Variants in NNT observed in about 807,000 individuals in gnomAD.
The protein encoded by NNT is nicotinamide nucleotide transhydrogenase, also known as NAD(P) transhydrogenase, mitochondrial.
A neutral mutation model predicts 104.8 loss-of-function variants in NNT; 50 were observed. That is an observed-to-expected ratio of 0.48 (90% CI 0.38 to 0.60). The LOEUF (loss-of-function observed/expected upper bound fraction) is 0.60, where lower values mean the gene tolerates loss of function less well. Among genes scored for constraint, NNT ranks in the 20% least tolerant of loss-of-function variants. The probability of loss-of-function intolerance (pLI) is 0.00; values close to 1 mark genes in which losing one functional copy is unlikely to be tolerated. For synonymous variants in NNT, 461 were observed against 490.4 expected (o/e 0.94, Z 0.79); for missense variants, 1,131 against 1,330.7 (o/e 0.85, Z 2.33).
chr5:43,675,895 T>C (rs1187444248), intron 18 of NNT, among the ~76,000 whole-genome samples: 1 of 152,226 alleles, frequency 6.6e-6, no homozygotes, highest in Non-Finnish European at 1.5e-5. Flanking sequence ...CAGTGGGTTC[T>C]AGCCATGTCT....
chr5:43,661,866 A>G (rs990074907), intron 17 of NNT, among the ~76,000 whole-genome samples: 1 of 152,116 alleles, frequency 6.6e-6, no homozygotes, highest in East Asian at 1.9e-4. Flanking sequence ...TGCCGCAATA[A>G]ACATATGTGT....
At chr5:43,665,873 C>T (rs561776903) in intron 17 of NNT, among the ~76,000 whole-genome samples, 188 of 150,814 alleles carry the variant, frequency 1.2e-3, no homozygotes, top group African/African-American at 2.1e-3. Flanking sequence ...ATCTCCTGGA[C>T]GGGGCGGCTG....
chr5:43,622,521 G>T (rs1750151313), intron 5 of NNT, among the ~76,000 whole-genome samples: 1 of 152,218 alleles, frequency 6.6e-6, no homozygotes, highest in South Asian at 2.1e-4. Flanking sequence ...TCCTGTCTTG[G>T]CCTCCCAAAG....
At chr5:43,645,819 A>G (rs567402376) in intron 10 of NNT, among the ~76,000 whole-genome samples, 11 of 142,868 alleles carry the variant, frequency 7.7e-5, no homozygotes, top group Non-Finnish European at 1.2e-4. Context: ...GGTTGATGCC[A>G]TTCTCCTGCC....
chr5:43,675,474 G>T (rs372534107), intron 17 of NNT, 37 bp from the exon 18 acceptor site: 13 of 1,582,714 alleles, frequency 8.2e-6, no homozygotes, highest in Non-Finnish European at 1.1e-5. Context: ...AAAGTTATGT[G>T]TGTTAAACTC....
In NNT at chr5:43,645,481, C is replaced by A; in HGVS notation, c.1415C>A (p.Thr472Lys). 1 of 1,565,320 alleles carries A rather than the reference C, an allele frequency of 6.4e-7. No individual in the cohort carries two copies. The highest frequency in any genetic ancestry group is 1.2e-5 in the South Asian group (1 of 83,302). Residue 472 changes from threonine to lysine, a missense_variant, in exon 10 of 22, where the codon ACA becomes AAA. Transcript: ENST00000344920. Reference sequence around the variant, plus strand: ...GCTACCATTACACCCTTCAGGAAGACAATGTCAACGGCTTCTGCATATACA... The same window carrying A: ...GCTACCATTACACCCTTCAGGAAGAAAATGTCAACGGCTTCTGCATATACA... Reference protein sequence around the residue: ...KAATITPFRKTMSTASAYTAG... With the variant: ...KAATITPFRKKMSTASAYTAG...
rs769638883 is a variant in NNT at position 43,655,881 on chromosome 5, C to T, written c.2101C>T (p.Gln701Ter). Reference sequence around the variant, plus strand: ...ACGCATCCAGATTTCTGATTTACCTCAATTAGTTGCTGCTTTTCACAGTTT... The same window carrying T: ...ACGCATCCAGATTTCTGATTTACCTTAATTAGTTGCTGCTTTTCACAGTTT... ...AKRIQISDLP[Q>*]LVAAFHSLVG... Residue 701 changes from glutamine to a stop codon, truncating the protein, a stop_gained, in exon 15 of 22, where the codon CAA (glutamine) becomes TAA (stop). Transcript: ENST00000344920. LOFTEE classifies it high-confidence loss of function. The T allele has an allele frequency of 1.2e-6, 2 of 1,614,096 alleles. No homozygotes were observed. Among genetic ancestry groups the T allele is most frequent in the Non-Finnish European group, 8.5e-7 (1 of 1,180,046 alleles).
At chr5:43,670,479 G>A (rs1349600436) in intron 17 of NNT, among the ~76,000 whole-genome samples, 1 of 152,174 alleles carries the variant, frequency 6.6e-6, no homozygotes, top group Non-Finnish European at 1.5e-5. Flanking sequence ...CTGGTATGTT[G>A]TGTCTTTGTT....
chr5:43,637,283 C>T (rs1356710776), intron 7 of NNT, among the ~76,000 whole-genome samples: 1 of 152,152 alleles, frequency 6.6e-6, no homozygotes, highest in Non-Finnish European at 1.5e-5. Flanking sequence ...TCAGCACTTT[C>T]TTGCCATATT....
At chr5:43,655,599 T>C (rs1311368584) in intron 14 of NNT, among the ~76,000 whole-genome samples, 3 of 152,116 alleles carry the variant, frequency 2.0e-5, no homozygotes, top group African/African-American at 4.8e-5. Context: ...TATTCCAAAA[T>C]TAAAAAAAAT....
chr5:43,648,939 G>A (rs35023717), intron 10 of NNT, among the ~76,000 whole-genome samples: 1 of 152,040 alleles, frequency 6.6e-6, no homozygotes, highest in African/African-American at 2.4e-5. Flanking sequence ...GCTTATTTTG[G>A]GGGGGTGGTC....
intron 19 of NNT, among the ~76,000 whole-genome samples, chr5:43,681,590 G>C (rs1473789872): frequency 6.6e-6 from 1 of 151,986 alleles, no homozygotes; most frequent in African/African-American, 2.4e-5. Context: ...GGTAGAGACG[G>C]GGTTTCGCCA....
chr5:43,610,201 CTTTTTTTTTTTT>C (rs3054076), intron 2 of NNT, among the ~76,000 whole-genome samples: 1 of 126,130 alleles, frequency 7.9e-6, no homozygotes, highest in Admixed American at 8.1e-5. Flanking sequence ...AACTGTCTGT[CTTTTTTTTTTTT>C]TTTTTTTTTT....
At chr5:43,636,439 T>C (rs1265133761) in intron 7 of NNT, among the ~76,000 whole-genome samples, 1 of 152,190 alleles carries the variant, frequency 6.6e-6, no homozygotes, top group Admixed American at 6.5e-5. Context: ...GTTTTTGATA[T>C]GAATTTGCTG....
intron 1 of NNT, among the ~76,000 whole-genome samples, chr5:43,603,860 C>A (rs1274836570): frequency 6.6e-6 from 1 of 151,890 alleles, no homozygotes; most frequent in Non-Finnish European, 1.5e-5. Context: ...GGCGGTCTGG[C>A]GGTGGTGGGT....
In NNT at chr5:43,700,169, T is replaced by C; in HGVS notation, c.2927T>C (p.Leu976Pro). 6.2e-7 allele frequency: 1 copy of C among 1,613,894 alleles called. No homozygotes were observed. Among genetic ancestry groups the C allele is most frequent in the Non-Finnish European group, 8.5e-7 (1 of 1,179,850 alleles). The change falls in exon 20 of 22, where the codon CTG (leucine) becomes CCG (proline). Residue 976 changes from leucine to proline, a missense_variant. Transcript: ENST00000344920. ...AGRMPGQLNVLLAEAGVPYDI... is the reference protein window; with the variant it reads ...AGRMPGQLNVPLAEAGVPYDI... The stretch of plus-strand genomic sequence containing the variant: ...CGAATGCCTGGTCAGCTTAATGTGC[T>C]GCTGGCTGAGGCTGGTGTGCCATAT...
intron 5 of NNT, among the ~76,000 whole-genome samples, chr5:43,620,549 A>G (rs922257025): frequency 1.3e-5 from 2 of 152,094 alleles, no homozygotes; most frequent in African/African-American, 2.4e-5. Flanking sequence ...TTTGTTATAT[A>G]AAGCCCAGAG....
At chr5:43,638,994 A>G (rs1751082796) in intron 7 of NNT, among the ~76,000 whole-genome samples, 1 of 152,118 alleles carries the variant, frequency 6.6e-6, no homozygotes, top group Non-Finnish European at 1.5e-5. Flanking sequence ...AAAAGATACA[A>G]TATATTACAG....
chr5:43,645,536 A>T (rs1385442217), intron 10 of NNT, 26 bp downstream of exon 10: 1 of 1,438,266 alleles, frequency 7.0e-7, no homozygotes. Context: ...ACCAGGGTTT[A>T]GTCTTGATTG....
Sources: allele counts gnomAD v4.1 joint callset (sites outside exome capture counted in the v4.1 genomes callset), GRCh38; gene constraint gnomAD v4.1.1; transcripts MANE v1.5; gene names NCBI Gene and HGNC (gene_info 2026-07-23, HGNC 2026-07-21).